ASCC3: variants seen among roughly 807,000 people sequenced by gnomAD.
ASCC3 encodes the protein ASC-1 complex subunit P200.
Under a neutral mutation model 256.3 loss-of-function variants are expected in ASCC3, and 158 were observed. The ratio of observed to expected loss-of-function variants is 0.62; its 90% CI spans 0.54 to 0.70. ASCC3 has a LOEUF of 0.70. Among genes scored for constraint, ASCC3 ranks in the 30% least tolerant of loss-of-function variants. The pLI, the probability that ASCC3 is intolerant of heterozygous loss-of-function variation, is 0.00. For missense variants in ASCC3, 2,259 were observed against 2,626.0 expected (o/e 0.86, Z 3.05); for synonymous variants, 948 against 883.4 (o/e 1.07, Z -1.30).
At chr6:100,812,530 CAGT>C (rs1371785706) in intron 4 of ASCC3, among the ~76,000 whole-genome samples, 1 of 151,654 alleles carries the variant, frequency 6.6e-6, no homozygotes, top group East Asian at 1.9e-4. Context: ...TTATACACTA[CAGT>C]AACTGCAATT....
At chr6:100,626,087 C>T (rs1037283812) in intron 29 of ASCC3, among the ~76,000 whole-genome samples, 4 of 151,940 alleles carry the variant, frequency 2.6e-5, no homozygotes, top group Non-Finnish European at 4.4e-5. Context: ...TAAATCAAAT[C>T]TTTAAAAATA....
chr6:100,669,411 G>A (rs1408507093), intron 14 of ASCC3, among the ~76,000 whole-genome samples: 1 of 150,950 alleles, frequency 6.6e-6, no homozygotes, highest in Non-Finnish European at 1.5e-5. Context: ...ATAAGAGATA[G>A]CCAGGATCCA....
Position 100,798,815 on chromosome 6 carries a change from T to C in ASCC3, c.1293A>G (p.Gln431=), listed in dbSNP as rs1247594950. The C allele has an allele frequency of 1.2e-6, 2 of 1,612,660 alleles. No homozygotes were observed. Among genetic ancestry groups the C allele is most frequent in the Non-Finnish European group, 1.7e-6 (2 of 1,179,414 alleles). Residue 431 remains glutamine (Q), a synonymous_variant, in exon 8 of 42, where the codon CAA becomes CAG. Coordinates refer to ENST00000369162, the MANE Select transcript of ASCC3 (RefSeq NM_006828.4). ...CTTCATAAAGCTTGTTATTCTCTCT[T>C]TGGATTCCTTCTGGCAAAATCATCT... ...GAKMILPEGI[Q]RENNKLYEEV...
intron 8 of ASCC3, among the ~76,000 whole-genome samples, chr6:100,768,577 C>T (rs567144376): frequency 2.6e-5 from 4 of 152,174 alleles, no homozygotes; most frequent in African/African-American, 9.6e-5. Context: ...CTTCAAAATA[C>T]ATGAAGTAAA....
Position 100,644,054 on chromosome 6 carries a change from A to C in ASCC3, c.3709T>G (p.Tyr1237Asp), listed in dbSNP as rs777504963. 1 of 1,612,024 alleles carries C rather than the reference A, an allele frequency of 6.2e-7. No individual in the cohort carries two copies. Among genetic ancestry groups the C allele is most frequent in the East Asian group, 2.2e-5 (1 of 44,704 alleles). Reference protein sequence around the residue: ...PTNDHIYHSEYFLALKKQVIS... With the variant: ...PTNDHIYHSEDFLALKKQVIS... ...ACTTGTTTTTTTAGAGCTAGAAAAT[A>C]CTCTGAATGATAAATATGATCATTT... The change falls in exon 23 of 42, where the codon TAT becomes GAT. Residue 1237 changes from tyrosine to aspartate, a missense_variant. By Grantham distance (160) the Tyr-to-Asp change is radical. Transcript: ENST00000369162.
At chr6:100,834,199 T>G (rs1485717018) in intron 4 of ASCC3, among the ~76,000 whole-genome samples, 1 of 152,234 alleles carries the variant, frequency 6.6e-6, no homozygotes, top group Non-Finnish European at 1.5e-5. Flanking sequence ...GATTTGTCAT[T>G]AGGTCGTAAA....
chr6:100,879,301 A>G (rs1460670607), intron 1 of ASCC3, among the ~76,000 whole-genome samples: 19 of 152,138 alleles, frequency 1.2e-4, no homozygotes, highest in Admixed American at 1.2e-3. Flanking sequence ...GCTTCACTAC[A>G]TAGGCATAAT....
intron 40 of ASCC3, among the ~76,000 whole-genome samples, chr6:100,511,519 G>A (rs901563399): frequency 6.6e-6 from 1 of 152,122 alleles, no homozygotes. Context: ...ATCATTTGAG[G>A]TCAGGAGTTC....
At chr6:100,701,306 G>A (rs1161647352) in intron 13 of ASCC3, among the ~76,000 whole-genome samples, 1 of 152,068 alleles carries the variant, frequency 6.6e-6, no homozygotes, top group Non-Finnish European at 1.5e-5. Context: ...TCATGATTGG[G>A]AATAAGTCTC....
chr6:100,638,725 T>C lies in ASCC3; in HGVS notation c.3998A>G (p.Gln1333Arg). The part of the protein sequence containing the change: ...NFSHFNPVQT[Q>R]IFHTLYHTDC... ...CGTGTGATACAATGTATGAAATATT[T>C]GTGTCTGTACAGGGTTAAAGTGGCT... is the stretch of plus-strand genomic sequence containing the variant. The change falls in exon 25 of 42, where the codon CAA becomes CGA. Residue 1333 changes from glutamine (Q) to arginine (R), a missense_variant. Transcript: ENST00000369162. The C allele has an allele frequency of 6.2e-7, 1 of 1,614,108 alleles. No homozygotes were observed. The highest frequency in any genetic ancestry group is 8.5e-7 in the Non-Finnish European group (1 of 1,179,966).
At chr6:100,745,673 G>T (rs1242240906) in intron 10 of ASCC3, among the ~76,000 whole-genome samples, 1 of 151,818 alleles carries the variant, frequency 6.6e-6, no homozygotes, top group Non-Finnish European at 1.5e-5. Context: ...TATCCAAGTT[G>T]GTAGCCACTG....
intron 4 of ASCC3, among the ~76,000 whole-genome samples, chr6:100,822,971 C>T (rs1201155168): frequency 1.3e-5 from 2 of 152,144 alleles, no homozygotes. Context: ...TGGAAGATAA[C>T]TTCTAGTGCC....
intron 37 of ASCC3, among the ~76,000 whole-genome samples, chr6:100,522,598 G>A (rs1774366303): frequency 6.6e-6 from 1 of 151,924 alleles, no homozygotes; most frequent in Non-Finnish European, 1.5e-5. Context: ...AGCAGAGACA[G>A]GGGAAGCAGA....
chr6:100,662,592 A>C, intron 14 of ASCC3, 56 bp from the exon 15 acceptor site: 1 of 1,553,820 alleles, frequency 6.4e-7, no homozygotes, highest in South Asian at 1.1e-5. Context: ...AATTGTTTTT[A>C]GCATTTCTGT....
At chr6:100,868,544 TC>T (rs923321218) in intron 1 of ASCC3, among the ~76,000 whole-genome samples, 17 of 152,330 alleles carry the variant, frequency 1.1e-4, no homozygotes, top group African/African-American at 4.1e-4. Flanking sequence ...CCAGTCGCTG[TC>T]TATCAAAGCC....
At chr6:100,538,344 A>C (rs1477544955) in intron 37 of ASCC3, among the ~76,000 whole-genome samples, 1 of 152,144 alleles carries the variant, frequency 6.6e-6, no homozygotes, top group African/African-American at 2.4e-5. Context: ...TTCCTCAATA[A>C]GTAAACCATG....
rs554790304 is a variant in ASCC3, at chr6:100,720,646, C to T, written c.1903-2395G>A. On this transcript the variant is annotated intron_variant, in intron 11 of 41. Coordinates refer to ENST00000369162, the MANE Select transcript of ASCC3 (RefSeq NM_006828.4). ...GTAGAAGTTAAAATTAGACAGACAG[C>T]GCTTTAATATTAGTAGTCTTTAACG... is the stretch of plus-strand genomic sequence containing the variant. Among the ~76,000 whole-genome samples, 31 of 151,678 alleles carry T rather than the reference C, an allele frequency of 2.0e-4. No individual in the cohort carries two copies. In the South Asian group the frequency reaches 4.6e-3, roughly 22 times the overall value.
intron 14 of ASCC3, among the ~76,000 whole-genome samples, chr6:100,667,897 CCAG>C (rs756257000): frequency 9.9e-5 from 15 of 151,506 alleles, no homozygotes; most frequent in Non-Finnish European, 1.9e-4. Flanking sequence ...ATAAGGGAGA[CCAG>C]TTAGGTAATC....
chr6:100,608,731 T>TTA (rs1169558095), intron 30 of ASCC3, among the ~76,000 whole-genome samples: 97 of 2,712 alleles, frequency 0.036, 27 homozygotes, highest in Non-Finnish European at 0.05. Flanking sequence ...TATATATACT[T>TTA]TATATATATA....
Sources: allele counts gnomAD v4.1 joint callset (sites outside exome capture counted in the v4.1 genomes callset), GRCh38; gene constraint gnomAD v4.1.1; transcripts MANE v1.5; gene names NCBI Gene and HGNC (gene_info 2026-07-23, HGNC 2026-07-21).